Variants in SNAP25 observed in about 807,000 individuals in gnomAD.
The protein encoded by SNAP25 is synaptosome associated protein 25.
A neutral mutation model predicts 28.7 loss-of-function variants in SNAP25; 3 were observed. The ratio of observed to expected loss-of-function variants is 0.10; its 90% CI spans 0.05 to 0.27. SNAP25 has a LOEUF of 0.27. Ranked by LOEUF, SNAP25 falls within the 10% of genes least tolerant of loss-of-function variation. SNAP25 has a pLI of 1.00. For missense variants in SNAP25, 117 were observed against 278.7 expected, an observed-to-expected ratio of 0.42 and a Z score of 4.13; for synonymous variants, 61 against 88.1, an observed-to-expected ratio of 0.69 and a Z score of 1.72.
chr20:10,263,261 C>T (rs986770815), intron 1 of SNAP25, among the ~76,000 whole-genome samples: 6 of 151,560 alleles, frequency 4.0e-5, no homozygotes, highest in South Asian at 2.1e-4. Context: ...CCTCATGATC[C>T]GCCCGCCTCG....
At chr20:10,251,730 ATCT>A (rs1344573924) in intron 1 of SNAP25, among the ~76,000 whole-genome samples, 1 of 152,156 alleles carries the variant, frequency 6.6e-6, no homozygotes, top group Non-Finnish European at 1.5e-5. Flanking sequence ...TATTCATGAG[ATCT>A]TCTGTTTTCA....
intron 1 of SNAP25, among the ~76,000 whole-genome samples, chr20:10,221,247 T>G (rs948077014): frequency 1.8e-4 from 27 of 152,206 alleles, no homozygotes; most frequent in Admixed American, 1.4e-3. Flanking sequence ...AGTGGAAGAC[T>G]GGGGAGGAGC....
chr20:10,271,464 C>T (rs1003260437), intron 1 of SNAP25, among the ~76,000 whole-genome samples: 1 of 152,188 alleles, frequency 6.6e-6, no homozygotes, highest in Admixed American at 6.5e-5. Context: ...AGCCCTCCTC[C>T]CAAATCACAG....
At chr20:10,241,425 C>CTAAGGTCTCTCCAAGGAGGAGATGTTTA in intron 1 of SNAP25, among the ~76,000 whole-genome samples, 1 of 152,132 alleles carries the variant, frequency 6.6e-6, no homozygotes, top group Non-Finnish European at 1.5e-5. Flanking sequence ...ATGCCTAGTG[C>CTAAGGTCTCTCCAAGGAGGAGATGTTTA]TGCTCTGGGC....
At chr20:10,237,284 C>T (rs761659339) in intron 1 of SNAP25, among the ~76,000 whole-genome samples, 5 of 152,184 alleles carry the variant, frequency 3.3e-5, no homozygotes, top group Non-Finnish European at 7.3e-5. Context: ...GAGTATTATG[C>T]ACCAACTCCC....
intron 3 of SNAP25, among the ~76,000 whole-genome samples, chr20:10,280,891 C>G (rs2063767164): frequency 6.8e-6 from 1 of 148,056 alleles, no homozygotes; most frequent in African/African-American, 2.5e-5. Flanking sequence ...CAAACTTTCC[C>G]CTAAAAATGA....
chr20:10,243,354 G>A (rs1209915741), intron 1 of SNAP25, among the ~76,000 whole-genome samples: 2 of 152,120 alleles, frequency 1.3e-5, no homozygotes, highest in Non-Finnish European at 2.9e-5. Context: ...AAACCAACAT[G>A]AGTACATTAC....
At chr20:10,261,072 C>T (rs2063406832) in intron 1 of SNAP25, among the ~76,000 whole-genome samples, 1 of 152,110 alleles carries the variant, frequency 6.6e-6, no homozygotes, top group Non-Finnish European at 1.5e-5. Flanking sequence ...AGTTAAATTA[C>T]AATTTAATGG....
intron 1 of SNAP25, among the ~76,000 whole-genome samples, chr20:10,222,256 A>G (rs368512401): frequency 6.6e-6 from 1 of 152,268 alleles, no homozygotes; most frequent in African/African-American, 2.4e-5. Context: ...GCAATAAAAC[A>G]TTAGAAGACA....
chr20:10,229,064 G>T (rs2062781081), intron 1 of SNAP25, among the ~76,000 whole-genome samples: 1 of 152,068 alleles, frequency 6.6e-6, no homozygotes, highest in South Asian at 2.1e-4. Context: ...AGGCCCAGTT[G>T]TTATTTAAAC....
At chr20:10,249,157 A>G (rs1673027552) in intron 1 of SNAP25, among the ~76,000 whole-genome samples, 1 of 152,168 alleles carries the variant, frequency 6.6e-6, no homozygotes, top group Non-Finnish European at 1.5e-5. Flanking sequence ...AGTGCTAAGG[A>G]GATAGTTCAG....
chr20:10,231,137 C>T (rs1029012039), intron 1 of SNAP25, among the ~76,000 whole-genome samples: 1 of 151,374 alleles, frequency 6.6e-6, no homozygotes, highest in Non-Finnish European at 1.5e-5. Context: ...TCACCCCCCA[C>T]ACTTCCTGCC....
At chr20:10,302,851 T>C (rs777291364) in intron 7 of SNAP25, among the ~76,000 whole-genome samples, 2 of 151,908 alleles carry the variant, frequency 1.3e-5, no homozygotes, top group African/African-American at 4.8e-5. Flanking sequence ...GTGTCAAATA[T>C]TGCATGGGGT....
At chr20:10,287,312 G>GA (rs2063899854) in intron 4 of SNAP25, among the ~76,000 whole-genome samples, 2 of 151,756 alleles carry the variant, frequency 1.3e-5, no homozygotes, top group African/African-American at 2.4e-5. Context: ...AAATTTACAA[G>GA]AAAAAAACAA....
chr20:10,269,692 A>C lies in SNAP25; in HGVS notation c.-63-5737A>C, dbSNP rs369208783. On this transcript the variant is annotated intron_variant, in intron 1 of 7. Transcript: ENST00000254976. ...TCTTTCCACTCAACTCTGTTGTTGTAGCATGAAAGGAGCCATTGACAACAG... is the reference window on the plus strand; with the variant it reads ...TCTTTCCACTCAACTCTGTTGTTGTCGCATGAAAGGAGCCATTGACAACAG... Among the ~76,000 whole-genome samples, 61 of 152,364 alleles carry C rather than the reference A, an allele frequency of 4.0e-4. 1 individual carries two copies. The South Asian group carries it at 0.012, about 30-fold the overall frequency.
chr20:10,249,527 A>C (rs79907718), intron 1 of SNAP25, among the ~76,000 whole-genome samples: 52 of 152,302 alleles, frequency 3.4e-4, no homozygotes, highest in African/African-American at 1.2e-3. Flanking sequence ...CAAGAAAAAA[A>C]ATAACCCTCC....
intron 1 of SNAP25, among the ~76,000 whole-genome samples, chr20:10,248,207 A>T (rs868209507): frequency 2.0e-5 from 3 of 152,250 alleles, no homozygotes; most frequent in African/African-American, 7.2e-5. Flanking sequence ...AACAAAAAGT[A>T]TACTTGGCTT....
intron 1 of SNAP25, among the ~76,000 whole-genome samples, chr20:10,237,122 G>A (rs1474373084): frequency 6.6e-6 from 1 of 152,120 alleles, no homozygotes; most frequent in Non-Finnish European, 1.5e-5. Flanking sequence ...TGATGGGGGA[G>A]TGGAGAATCT....
intron 1 of SNAP25, among the ~76,000 whole-genome samples, chr20:10,269,642 A>G: frequency 6.6e-6 from 1 of 152,150 alleles, no homozygotes; most frequent in South Asian, 2.1e-4. Flanking sequence ...GGTAGTAACT[A>G]TTTTCAGCTT....
Sources: gnomAD v4.1 joint callset for allele counts (sites outside exome capture counted in the v4.1 genomes callset) on GRCh38, gnomAD v4.1.1 for gene constraint, MANE v1.5 for transcripts, NCBI Gene and HGNC (gene_info 2026-07-23, HGNC 2026-07-21) for gene names.